PTPRK: variants seen among roughly 807,000 people sequenced by gnomAD.
The protein encoded by PTPRK is protein tyrosine phosphatase receptor type K.
PTPRK carries 75 observed loss-of-function variants against 178.0 expected under a neutral mutation model. That is an observed-to-expected ratio of 0.42 (90% CI 0.35 to 0.51). PTPRK has a LOEUF of 0.51. PTPRK is among the 20% of genes least tolerant of loss of function. The pLI, the probability that PTPRK is intolerant of heterozygous loss-of-function variation, is 0.02. For synonymous variants in PTPRK, 637 were observed against 620.6 expected (o/e 1.03, Z -0.39); for missense variants, 1,441 against 1,797.8 (o/e 0.80, Z 3.59).
intron 13 of PTPRK, among the ~76,000 whole-genome samples, chr6:128,022,496 G>A (rs539352980): frequency 6.6e-6 from 1 of 152,220 alleles, no homozygotes; most frequent in Admixed American, 6.5e-5. Context: ...CTGAATCCAA[G>A]TGGTTCACAT....
chr6:128,316,107 C>T lies in PTPRK; in HGVS notation c.495+5932G>A, dbSNP rs2039754. On this transcript the variant is annotated intron_variant, in intron 3 of 29. Coordinates refer to ENST00000368226, the MANE Select transcript of PTPRK (RefSeq NM_002844.4). ...CAGAAACATCATTAAACTGATTAGA[C>T]GGAAATGGTTCTCACATTTATCTGC... Among the ~76,000 whole-genome samples the T allele has an allele frequency of 7.1e-3, 1,077 of 152,210 alleles. 13 individuals are homozygous for T. The highest frequency in any genetic ancestry group is 0.024 in the African/African-American group (996 of 41,532).
intron 29 of PTPRK, among the ~76,000 whole-genome samples, chr6:127,971,036 A>G (rs929985626): frequency 2.0e-5 from 3 of 152,140 alleles, no homozygotes; most frequent in African/African-American, 4.8e-5. Context: ...GTTTTTGTCC[A>G]TCAGAGTATT....
chr6:128,481,774 A>C (rs989995895), intron 1 of PTPRK, among the ~76,000 whole-genome samples: 1 of 152,044 alleles, frequency 6.6e-6, no homozygotes, highest in Non-Finnish European at 1.5e-5. Flanking sequence ...AAGAACTTTC[A>C]TGAATATACA....
At chr6:128,129,748 A>T (rs1793923217) in intron 7 of PTPRK, among the ~76,000 whole-genome samples, 1 of 152,132 alleles carries the variant, frequency 6.6e-6, no homozygotes, top group Admixed American at 6.5e-5. Flanking sequence ...ATCTCAAACT[A>T]ATAGTATTTA....
chr6:128,060,106 G>A (rs1780563343), intron 13 of PTPRK, among the ~76,000 whole-genome samples: 2 of 152,102 alleles, frequency 1.3e-5, no homozygotes, highest in South Asian at 4.1e-4. Context: ...GAATTAAGAT[G>A]AAATCAGTTA....
chr6:128,475,754 G>A (rs756550489), intron 1 of PTPRK, among the ~76,000 whole-genome samples: 71 of 151,944 alleles, frequency 4.7e-4, no homozygotes, highest in Non-Finnish European at 9.3e-4. Context: ...TGAAGCACAG[G>A]CTGGGCTGAA....
intron 1 of PTPRK, among the ~76,000 whole-genome samples, chr6:128,404,355 G>A: frequency 6.6e-6 from 1 of 152,180 alleles, no homozygotes; most frequent in East Asian, 1.9e-4. Context: ...GACCACAGTG[G>A]GAAATACCTC....
intron 1 of PTPRK, among the ~76,000 whole-genome samples, chr6:128,451,358 T>C (rs146282097): frequency 2.0e-5 from 3 of 152,264 alleles, no homozygotes; most frequent in Admixed American, 2.0e-4. Flanking sequence ...ACTGATAAAG[T>C]TTTAGATTCT....
Position 127,976,761 on chromosome 6 carries a change from C to G in PTPRK, c.3865G>C (p.Glu1289Gln). Residue 1289 changes from glutamate to glutamine, a missense_variant, in exon 27 of 30, where the codon GAG becomes CAG. Physicochemically the swap from Glu to Gln is conservative, Grantham distance 29. Around this residue, in one of 4 missense-constraint regions of PTPRK, gnomAD observed 335 missense variants for 512.4 expected, o/e 0.65. Coordinates refer to ENST00000368226, the MANE Select transcript of PTPRK (RefSeq NM_002844.4). ...GGGCCATATCGTAGCATCCCTTCCT[C>G]TGGCCAGTACTGAGGGCAGCCCTAA... ...LSQGCPQYWP[E>Q]EGMLRYGPIQ... The G allele has an allele frequency of 6.2e-7, 1 of 1,613,730 alleles. No individual in the cohort carries two copies.
rs560896018 is a variant in PTPRK at position 128,518,267 on chromosome 6, G to A, written c.100+1992C>T. Among the ~76,000 whole-genome samples, 8 of 152,198 alleles carry A rather than the reference G, an allele frequency of 5.3e-5. No homozygotes were observed. In the South Asian group the frequency reaches 1.7e-3, roughly 32 times the overall value. On this transcript the variant is annotated intron_variant, in intron 1 of 29. Transcript: ENST00000368226. ...TGCTTTGTCACTAAAGAAAAGCCAG[G>A]CATATTTAGTTAAAGTACTTAGAAC...
intron 7 of PTPRK, among the ~76,000 whole-genome samples, chr6:128,163,494 GCAGATAA>G (rs1798966115): frequency 6.6e-6 from 1 of 151,282 alleles, no homozygotes; most frequent in Admixed American, 6.6e-5. Context: ...ATGCATGGTG[GCAGATAA>G]AATGGAGAAA....
intron 3 of PTPRK, among the ~76,000 whole-genome samples, chr6:128,297,728 G>A (rs1824741236): frequency 6.6e-6 from 1 of 152,188 alleles, no homozygotes; most frequent in Non-Finnish European, 1.5e-5. Context: ...TCAAAGCAGT[G>A]TGTAGAGGGA....
chr6:128,402,318 C>T (rs1420825239), intron 1 of PTPRK, among the ~76,000 whole-genome samples: 4 of 152,110 alleles, frequency 2.6e-5, no homozygotes, highest in African/African-American at 7.2e-5. Context: ...AGTGCAGTGG[C>T]GCGATCTCGG....
chr6:128,047,114 A>G (rs1364867149), intron 13 of PTPRK, among the ~76,000 whole-genome samples: 1 of 152,314 alleles, frequency 6.6e-6, no homozygotes, highest in East Asian at 1.9e-4. Context: ...GAGAAATTAG[A>G]CAAAACATGA....
chr6:128,211,348 A>G (rs1342025448), intron 6 of PTPRK, among the ~76,000 whole-genome samples: 2 of 152,084 alleles, frequency 1.3e-5, no homozygotes, highest in Non-Finnish European at 2.9e-5. Flanking sequence ...GAGGAGTGAC[A>G]AAGTATTATT....
At chr6:128,021,256 G>A (rs1773456133) in intron 13 of PTPRK, among the ~76,000 whole-genome samples, 2 of 152,076 alleles carry the variant, frequency 1.3e-5, no homozygotes, top group African/African-American at 4.8e-5. Flanking sequence ...ATACTTCAGT[G>A]GGCTATAGAT....
intron 7 of PTPRK, among the ~76,000 whole-genome samples, chr6:128,167,473 C>T (rs1799590654): frequency 1.3e-5 from 2 of 151,840 alleles, no homozygotes; most frequent in Admixed American, 1.3e-4. Context: ...CTGGGATCAA[C>T]TTTGTAAAAT....
At chr6:128,348,827 C>T (rs1386212981) in intron 2 of PTPRK, among the ~76,000 whole-genome samples, 7 of 151,966 alleles carry the variant, frequency 4.6e-5, no homozygotes, top group Non-Finnish European at 8.8e-5. Flanking sequence ...ATCAAACTTC[C>T]TGTTGAACAC....
chr6:128,485,003 C>T (rs1003973028), intron 1 of PTPRK, among the ~76,000 whole-genome samples: 6 of 152,142 alleles, frequency 3.9e-5, no homozygotes, highest in Non-Finnish European at 5.9e-5. Context: ...ATGCATTAGA[C>T]TGAGGTCTCT....
Sources: allele counts gnomAD v4.1 joint callset (sites outside exome capture counted in the v4.1 genomes callset), GRCh38; gene constraint gnomAD v4.1.1; regional missense constraint gnomAD v4.1.1; transcripts MANE v1.5; gene names NCBI Gene and HGNC (gene_info 2026-07-23, HGNC 2026-07-21).